Variants in POLN observed in about 807,000 individuals in gnomAD.
The protein encoded by POLN is DNA polymerase nu.
POLN carries 108 observed loss-of-function variants against 113.5 expected under a neutral mutation model. That is an observed-to-expected ratio of 0.95 (90% CI 0.81 to 1.12). The LOEUF is 1.12. Ranked by LOEUF, POLN falls within the 50% of genes most tolerant of loss-of-function variation. POLN has a pLI of 0.00. For missense variants in POLN, 1,097 were observed against 1,077.1 expected (o/e 1.02, Z -0.26); for synonymous variants, 386 against 391.5 (o/e 0.99, Z 0.17).
intron 7 of POLN, among the ~76,000 whole-genome samples, chr4:2,189,008 G>A (rs1013747163): frequency 3.3e-5 from 5 of 151,826 alleles, no homozygotes; most frequent in East Asian, 1.9e-4. Flanking sequence ...GATTTTTTTT[G>A]TAAGGCTCCT....
At chr4:2,075,623 AG>A in intron 23 of POLN, 104 bp from the exon 24 acceptor site, 1 of 1,249,426 alleles carries the variant, frequency 8.0e-7, no homozygotes, top group Non-Finnish European at 1.2e-6. Context: ...CAGGACTGTG[AG>A]GCGGGGGCTC....
rs144558143 is a variant in POLN, at chr4:2,166,903, C to T, written c.1554+3776G>A. Among the ~76,000 whole-genome samples the T allele has an allele frequency of 4.5e-4, 68 of 152,254 alleles. 1 individual carries two copies. Among genetic ancestry groups the T allele is most frequent in the African/African-American group, 1.3e-3 (52 of 41,556 alleles). ...TTCACAGCACCCCCAACTGCGTGAA[C>T]CAATGTCCCTAACAAATCCCCTCTC... is the stretch of plus-strand genomic sequence containing the variant. On this transcript the variant is annotated intron_variant, in intron 13 of 25. Coordinates refer to ENST00000511885, the MANE Select transcript of POLN (RefSeq NM_181808.4).
chr4:2,241,413 C>A (rs1734980454), intron 2 of POLN, 107 bp downstream of exon 2: 5 of 811,174 alleles, frequency 6.2e-6, no homozygotes, highest in Non-Finnish European at 7.5e-6. Context: ...TGGATCCAAA[C>A]AAACCCAAGC....
chr4:2,214,886 C>CATACATATACATATATATGTAT lies in POLN; in HGVS notation c.134-1782_134-1761dup, dbSNP rs570870831. On this transcript the variant is annotated intron_variant, in intron 3 of 25. Coordinates refer to ENST00000511885, the MANE Select transcript of POLN (RefSeq NM_181808.4). Reference sequence around the variant, plus strand: ...ATATATATACACACACACATATACACATACATATACATATATATGTATATA... The same window carrying CATACATATACATATATATGTAT: ...ATATATATACACACACACATATACACATACATATACATATATATGTATATACATATACATATATATGTATATA... 5.8e-3 allele frequency among the ~76,000 whole-genome samples: 879 copies of CATACATATACATATATATGTAT among 151,188 alleles called. 7 individuals are homozygous for CATACATATACATATATATGTAT. Among genetic ancestry groups the CATACATATACATATATATGTAT allele is most frequent in the African/African-American group, 0.015 (597 of 40,956 alleles).
intron 7 of POLN, among the ~76,000 whole-genome samples, chr4:2,190,380 C>CA (rs1342481994): frequency 5.3e-5 from 8 of 151,922 alleles, no homozygotes; most frequent in Admixed American, 5.2e-4. Context: ...AAAATCAAAT[C>CA]AAAATGGATT....
chr4:2,236,412 A>G (rs1734768126), intron 2 of POLN: 1 of 1,613,598 alleles, frequency 6.2e-7, no homozygotes, highest in Non-Finnish European at 8.5e-7. Flanking sequence ...ATGAGTTAGA[A>G]ACAATTCTTT....
intron 2 of POLN, chr4:2,240,207 G>A: frequency 1.2e-6 from 2 of 1,613,952 alleles, no homozygotes; most frequent in East Asian, 4.5e-5. Context: ...ATCACAAATA[G>A]ATGGTGTCTG....
intron 3 of POLN, among the ~76,000 whole-genome samples, chr4:2,218,652 C>T (rs1197858404): frequency 3.3e-5 from 5 of 152,096 alleles, no homozygotes; most frequent in Admixed American, 6.5e-5. Flanking sequence ...CAGTGGGTGG[C>T]GGGATAACAT....
intron 7 of POLN, among the ~76,000 whole-genome samples, chr4:2,186,332 C>CT: frequency 1.3e-5 from 2 of 152,190 alleles, no homozygotes; most frequent in Non-Finnish European, 2.9e-5. Context: ...GACTAGCAGA[C>CT]ACTCGGCTCT....
intron 24 of POLN, 69 bp downstream of exon 24, chr4:2,075,383 C>T: frequency 6.6e-7 from 1 of 1,524,876 alleles, no homozygotes; most frequent in Non-Finnish European, 9.1e-7. Context: ...CTGGGCTGTG[C>T]CCATGGGGCA....
At chr4:2,174,115 C>G in intron 10 of POLN, 96 bp from the exon 11 acceptor site, 1 of 1,140,364 alleles carries the variant, frequency 8.8e-7, no homozygotes, top group South Asian at 1.3e-5. Flanking sequence ...ACAATAATGA[C>G]TGCAACTGCC....
chr4:2,174,881 G>T (rs1302067761), intron 9 of POLN, 130 bp from the exon 10 acceptor site: 2 of 630,170 alleles, frequency 3.2e-6, no homozygotes, highest in Non-Finnish European at 5.5e-6. Context: ...GGAGTGCAGT[G>T]GCGTGATCTC....
At chr4:2,140,472 C>T (rs942792424) in intron 16 of POLN, among the ~76,000 whole-genome samples, 11 of 152,288 alleles carry the variant, frequency 7.2e-5, no homozygotes, top group East Asian at 5.8e-4. Context: ...TTGGGCTGGA[C>T]GCAGTGGCTC....
intron 3 of POLN, among the ~76,000 whole-genome samples, chr4:2,217,059 G>A (rs1394586652): frequency 6.6e-6 from 1 of 152,196 alleles, no homozygotes; most frequent in Non-Finnish European, 1.5e-5. Flanking sequence ...TGGGTGGGAA[G>A]TACTTCGTGA....
chr4:2,179,267 G>A (rs898129075), intron 8 of POLN, 41 bp downstream of exon 8: 1 of 1,528,648 alleles, frequency 6.5e-7, no homozygotes, highest in Admixed American at 2.1e-5. Context: ...GAAAAAATAG[G>A]ATGTATTAAG....
In POLN at chr4:2,156,385, T is replaced by C. The variant is rs1005059689; in HGVS notation, c.1731+403A>G. 1.7e-4 allele frequency: 73 copies of C among 440,570 alleles called. 1 individual carries two copies. The highest frequency in any genetic ancestry group is 2.7e-4 in the Non-Finnish European group (60 of 224,158). 27.3% of individuals were successfully genotyped at this position (440,570 alleles called of 1,614,324 possible). A position where few individuals can be genotyped will look rare whatever the true frequency, so the allele number is the denominator to read the frequency against. On this transcript the variant is annotated intron_variant, in intron 16 of 25. Coordinates refer to ENST00000511885, the MANE Select transcript of POLN (RefSeq NM_181808.4). ...CAAGGGAATTTAGAGCTTTTTTTTT[T>C]TTTTTCTTCATCAGAGATACAGCTT... is the stretch of plus-strand genomic sequence containing the variant.
chr4:2,135,533 C>T (rs1731834006), intron 16 of POLN, among the ~76,000 whole-genome samples: 1 of 152,246 alleles, frequency 6.6e-6, no homozygotes, highest in South Asian at 2.1e-4. Context: ...AGTGCCGTCC[C>T]TAACGCCTCA....
chr4:2,148,396 C>T (rs1344165654), intron 16 of POLN, among the ~76,000 whole-genome samples: 5 of 152,088 alleles, frequency 3.3e-5, no homozygotes, highest in Admixed American at 6.6e-5. Flanking sequence ...AGGCCGGCTA[C>T]GGTGGCTCAT....
At chr4:2,233,963 C>T (rs1179) in intron 2 of POLN, among the ~76,000 whole-genome samples, 38,249 of 151,850 alleles carry the variant, frequency 0.25, 7,700 homozygotes, top group African/African-American at 0.54. Context: ...ACCCCAATGA[C>T]CCTATTTCCA....
Sources: gnomAD v4.1 joint callset for allele counts (sites outside exome capture counted in the v4.1 genomes callset) on GRCh38, gnomAD v4.1.1 for gene constraint, MANE v1.5 for transcripts, NCBI Gene and HGNC (gene_info 2026-07-23, HGNC 2026-07-21) for gene names.